DACT3: variants seen among roughly 807,000 people sequenced by gnomAD.
The protein encoded by DACT3 is dapper homolog 3.
Under a neutral mutation model 19.6 loss-of-function variants are expected in DACT3, and 5 were observed. The observed-to-expected ratio is 0.26, with a 90% confidence interval of 0.13 to 0.54. The LOEUF is 0.54. Among genes scored for constraint, DACT3 ranks in the 20% least tolerant of loss-of-function variants. The probability of loss-of-function intolerance (pLI) is 0.95; values close to 1 mark genes in which losing one functional copy is unlikely to be tolerated. For synonymous variants in DACT3, 454 were observed against 428.1 expected, an observed-to-expected ratio of 1.06 and a Z score of -0.75; for missense variants, 908 against 927.4, an observed-to-expected ratio of 0.98 and a Z score of 0.27.
At position 46,661,116 on chromosome 19, in the gene DACT3, C is replaced by G. The variant is rs1340161068; in HGVS notation, c.-52G>C. ...CCGGGCCCCGCGGCCACCCCTCTCC[C>G]GGTCCCACCTCCCCGCCCCAGCAGC... On this transcript the variant is annotated 5_prime_UTR_variant, in exon 1 of 4. Transcript: ENST00000391916. 2.2e-6 allele frequency: 3 copies of G among 1,356,246 alleles called. No individual in the cohort carries two copies. Among genetic ancestry groups the G allele is most frequent in the South Asian group, 1.7e-5 (1 of 57,798 alleles). The allele number at this position is 1,356,246 out of a possible 1,614,324, so 84.0% of individuals were successfully genotyped here.
chr19:46,660,859 G>C lies in DACT3; in HGVS notation c.206C>G (p.Ala69Gly). 2.0e-6 allele frequency: 3 copies of C among 1,519,010 alleles called. No homozygotes were observed. Among genetic ancestry groups the C allele is most frequent in the Non-Finnish European group, 2.6e-6 (3 of 1,138,114 alleles). The allele number at this position is 1,519,010 out of a possible 1,614,324, so 94.1% of individuals were successfully genotyped here. A position where few individuals can be genotyped will look rare whatever the true frequency, so the allele number is the denominator to read the frequency against. ...DEEDADEDED[A>G]AAARRAAAAL... ...CGCTGCGGCCCGGCGCGCCGCCGCC[G>C]CATCTTCATCCTCATCGGCGTCCTC... Residue 69 changes from alanine to glycine, a missense_variant, in exon 1 of 4, where the codon GCG becomes GGG. Ala to Gly is a moderately conservative substitution (Grantham distance 60). Around this residue, in one of 2 missense-constraint regions of DACT3, gnomAD observed 252 missense variants for 325.6 expected, o/e 0.77. Coordinates refer to ENST00000391916, the MANE Select transcript of DACT3 (RefSeq NM_145056.3). The surrounding 1 kb of genome is among the most constrained non-coding windows in gnomAD (Gnocchi z 4.9).
At chr19:46,650,311 A>G (rs1478577061) in intron 3 of DACT3, 3 of 151,214 alleles carry the variant, frequency 2.0e-5, no homozygotes, top group Admixed American at 1.3e-4. Context: ...TTTAGTAGAG[A>G]CGGGGTTTCA....
chr19:46,656,885 G>C lies in DACT3; in HGVS notation c.250-3810C>G, dbSNP rs570524167. ...TTCCCAGAGCTTTTGATTACAGCCT[G>C]CAGTCACGCCCAAGTAGTTGTATGG... On this transcript the variant is annotated intron_variant, in intron 1 of 3. Transcript: ENST00000391916. 2.6e-5 allele frequency among the ~76,000 whole-genome samples: 4 copies of C among 152,286 alleles called. No homozygotes were observed. The South Asian group carries it at 8.3e-4, about 32-fold the overall frequency.
chr19:46,660,845 G>T lies in DACT3; in HGVS notation c.220C>A (p.Arg74=). Residue 74 remains arginine (R), a synonymous_variant, in exon 1 of 4, where the codon CGG becomes AGG. Transcript: ENST00000391916. The surrounding 1 kb of genome is among the most constrained non-coding windows in gnomAD (Gnocchi z 4.9). ...TGCTCCTCCAGGGCCGCTGCGGCCC[G>T]GCGCGCCGCCGCCGCATCTTCATCC... The part of the protein sequence containing the change: ...DEDEDAAAAR[R]AAAALEEQLE... 6.6e-7 allele frequency: 1 copy of T among 1,515,888 alleles called. No individual in the cohort carries two copies. The allele number at this position is 1,515,888 out of a possible 1,614,324, so 93.9% of individuals were successfully genotyped here.
chr19:46,655,981 A>G (rs1306942792), intron 1 of DACT3, among the ~76,000 whole-genome samples: 2 of 150,758 alleles, frequency 1.3e-5, no homozygotes, highest in Non-Finnish European at 2.9e-5. Context: ...ACACATATAT[A>G]TACACATATA....
Position 46,660,896 on chromosome 19 carries a change from C to A in DACT3, c.169G>T (p.Ala57Ser). Reference protein sequence around the residue: ...LAQPGMGGAEAEDEEDADEDE... With the variant: ...LAQPGMGGAESEDEEDADEDE... The stretch of plus-strand genomic sequence containing the variant: ...TCATCGGCGTCCTCCTCGTCCTCGG[C>A]CTCGGCGCCCCCCATTCCGGGCTGG... Residue 57 changes from alanine to serine, a missense_variant, in exon 1 of 4, where the codon GCC becomes TCC. By Grantham distance (99) the Ala-to-Ser change is moderately conservative. Transcript: ENST00000391916. This position sits in a 1 kb window ranked among gnomAD's most constrained non-coding sequence, Gnocchi z 4.9. 1 of 1,537,038 alleles carries A rather than the reference C, an allele frequency of 6.5e-7. No homozygotes were observed. The highest frequency in any genetic ancestry group is 8.7e-7 in the Non-Finnish European group (1 of 1,145,730).
rs1266951021 is a variant in DACT3 at position 46,660,219 on chromosome 19, C to T, written c.249+597G>A. ...AAGTGTCACCAAAGGGTCAAGATCC[C>T]AGTGGGGGGTCCTCAGGGACTGTGA... On this transcript the variant is annotated intron_variant, in intron 1 of 3. Coordinates refer to ENST00000391916, the MANE Select transcript of DACT3 (RefSeq NM_145056.3). The surrounding 1 kb of genome is among the most constrained non-coding windows in gnomAD (Gnocchi z 4.9). 1 of 152,522 alleles carries T rather than the reference C, an allele frequency of 6.6e-6. No individual in the cohort carries two copies. The highest frequency in any genetic ancestry group is 2.4e-5 in the African/African-American group (1 of 41,450). 9.4% of individuals were successfully genotyped at this position (152,522 alleles called of 1,614,324 possible).
intron 1 of DACT3, among the ~76,000 whole-genome samples, chr19:46,656,909 G>A (rs1200009722): frequency 5.9e-5 from 9 of 152,188 alleles, no homozygotes; most frequent in African/African-American, 9.6e-5. Context: ...GTAGTTGTAT[G>A]GCTAACAAGT....
intron 1 of DACT3, chr19:46,654,204 A>G (rs2053014069): frequency 1.0e-6 from 1 of 985,202 alleles, no homozygotes; most frequent in Admixed American, 6.2e-5. Flanking sequence ...TCGGGGAGTC[A>G]GGCCGGGCGC....
chr19:46,659,057 GGGGGGATAAGTCATAAGACAAGGGTT>G (rs1197098782), intron 1 of DACT3: 1 of 980,332 alleles, frequency 1.0e-6, no homozygotes, highest in Admixed American at 6.2e-5. Context: ...GGCTGGGGGT[GGGGGGATAAGTCATAAGACAAGGGTT>G]GGGGGATCAG....
intron 1 of DACT3, among the ~76,000 whole-genome samples, chr19:46,657,720 T>C (rs1206105747): frequency 1.1e-4 from 16 of 152,004 alleles, no homozygotes; most frequent in Admixed American, 8.5e-4. Flanking sequence ...GAATTTCTTA[T>C]AAGGAAAATA....
Position 46,647,866 on chromosome 19 carries a change from G to C in DACT3, c.*616C>G, listed in dbSNP as rs1230211207. ...CCTCCATAATTGTCCAGGGATCGAA[G>C]TGAAAGAGTCCTTCTTTCCAGGTGT... On this transcript the variant is annotated 3_prime_UTR_variant, in exon 4 of 4. Transcript: ENST00000391916. 1 of 152,844 alleles carries C rather than the reference G, an allele frequency of 6.5e-6. No homozygotes were observed. Among genetic ancestry groups the C allele is most frequent in the Non-Finnish European group, 1.5e-5 (1 of 68,210 alleles). The allele number at this position is 152,844 out of a possible 1,614,324, so 9.5% of individuals were successfully genotyped here.
At chr19:46,655,061 C>A (rs1294621563) in intron 1 of DACT3, 1 of 985,280 alleles carries the variant, frequency 1.0e-6, no homozygotes, top group Non-Finnish European at 1.2e-6. Context: ...TACCATGTAC[C>A]CCATGTCACG....
At chr19:46,656,602 G>A (rs1053171017) in intron 1 of DACT3, among the ~76,000 whole-genome samples, 2 of 151,780 alleles carry the variant, frequency 1.3e-5, no homozygotes, top group African/African-American at 2.4e-5. Context: ...CTCCCGCCTC[G>A]GTCTCTTAAA....
intron 3 of DACT3, chr19:46,651,099 T>TTTA (rs1568695973): frequency 1.4e-4 from 17 of 119,850 alleles, no homozygotes; most frequent in African/African-American, 5.4e-4. Context: ...TTATTTATTT[T>TTTA]TTAGACGAAG....
Position 46,647,732 on chromosome 19 carries a change from A to T in DACT3, c.*750T>A, listed in dbSNP as rs1186845762. The stretch of plus-strand genomic sequence containing the variant: ...ACAGTAATTTTAAAAAAGAAAAAAA[A>T]TACTAGATTGGAACAGCTGAGGGTC... On this transcript the variant is annotated 3_prime_UTR_variant, in exon 4 of 4. Transcript: ENST00000391916. 1 of 152,526 alleles carries T rather than the reference A, an allele frequency of 6.6e-6. No individual in the cohort carries two copies. Among genetic ancestry groups the T allele is most frequent in the Non-Finnish European group, 1.5e-5 (1 of 68,032 alleles). The allele number at this position is 152,526 out of a possible 1,614,324, so 9.4% of individuals were successfully genotyped here.
At position 46,648,050 on chromosome 19, in the gene DACT3, G is replaced by T; in HGVS notation, c.*432C>A. 1 of 183,688 alleles carries T rather than the reference G, an allele frequency of 5.4e-6. No individual in the cohort carries two copies. The highest frequency in any genetic ancestry group is 1.2e-5 in the Non-Finnish European group (1 of 86,688). The allele number at this position is 183,688 out of a possible 1,614,324, so 11.4% of individuals were successfully genotyped here. A position where few individuals can be genotyped will look rare whatever the true frequency, so the allele number is the denominator to read the frequency against. On this transcript the variant is annotated 3_prime_UTR_variant, in exon 4 of 4. Coordinates refer to ENST00000391916, the MANE Select transcript of DACT3 (RefSeq NM_145056.3). The surrounding 1 kb of genome is among the most constrained non-coding windows in gnomAD (Gnocchi z 5.1). Reference sequence around the variant, plus strand: ...GACATGGAGGGGGCACTTTGTGAATGAGAGGGGGCCATAGCTGGGCAAGGA... The same window carrying T: ...GACATGGAGGGGGCACTTTGTGAATTAGAGGGGGCCATAGCTGGGCAAGGA...
Position 46,652,806 on chromosome 19 carries a change from T to G in DACT3, c.353A>C (p.Tyr118Ser). The change falls in exon 3 of 4, where the codon TAT becomes TCT. Residue 118 changes from tyrosine (Y) to serine (S), a missense_variant. Tyr to Ser is a moderately radical substitution (Grantham distance 144, BLOSUM62 -2). Around this residue, in one of 2 missense-constraint regions of DACT3, gnomAD observed 252 missense variants for 325.6 expected, o/e 0.77. Transcript: ENST00000391916. ...EQESGRSSGF[Y>S]EDPSSTGGPD... ...ACCTCCTGTAGAGCTGGGATCTTCA[T>G]AGAAGCCTAAATTTCCAGGAGAAGC... 1 of 1,549,168 alleles carries G rather than the reference T, an allele frequency of 6.5e-7. No individual in the cohort carries two copies.
intron 2 of DACT3, 74 bp downstream of exon 2, chr19:46,652,904 AG>A: frequency 6.5e-7 from 1 of 1,542,174 alleles, no homozygotes; most frequent in Non-Finnish European, 8.7e-7. Flanking sequence ...GGAGAGACAC[AG>A]GGGGCCTCAG....
Sources: gnomAD v4.1 joint callset for allele counts (sites outside exome capture counted in the v4.1 genomes callset) on GRCh38, gnomAD v4.1.1 for gene constraint, gnomAD v4.1.1 regional missense constraint, Gnocchi (gnomAD v3.1) non-coding constraint, MANE v1.5 for transcripts, NCBI Gene and HGNC (gene_info 2026-07-23, HGNC 2026-07-21) for gene names.